CDC14B: variants seen among roughly 807,000 people sequenced by gnomAD.
CDC14B encodes cell division cycle 14B, also known as dual specificity protein phosphatase CDC14B.
CDC14B carries 22 observed loss-of-function variants against 64.2 expected under a neutral mutation model. That is an observed-to-expected ratio of 0.34 (90% confidence interval 0.24 to 0.49). CDC14B has a LOEUF of 0.49. CDC14B is among the 20% of genes least tolerant of loss of function. The pLI is 0.99. For synonymous variants in CDC14B, 191 were observed against 215.8 expected (o/e 0.89, Z 1.01); for missense variants, 498 against 629.9 (o/e 0.79, Z 2.24).
Position 96,503,547 on chromosome 9 carries a change from C to G in CDC14B, c.*206G>C. On this transcript the variant is annotated 3_prime_UTR_variant, in exon 14 of 14. Transcript: ENST00000375241. ...GCATGTTTGTCATTCAGCTTGAGAGCTGGACCCTTCTCTGAGTCATTTGCT... is the reference window on the plus strand; with the variant it reads ...GCATGTTTGTCATTCAGCTTGAGAGGTGGACCCTTCTCTGAGTCATTTGCT... The G allele has an allele frequency of 1.7e-6, 1 of 585,616 alleles. No homozygotes were observed. The highest frequency in any genetic ancestry group is 2.1e-5 in the South Asian group (1 of 47,068). The allele number at this position is 585,616 out of a possible 1,614,324, so 36.3% of individuals were successfully genotyped here. A position where few individuals can be genotyped will look rare whatever the true frequency, so the allele number is the denominator to read the frequency against.
chr9:96,555,209 G>A (rs2132121004), intron 4 of CDC14B, among the ~76,000 whole-genome samples: 1 of 152,280 alleles, frequency 6.6e-6, no homozygotes, highest in East Asian at 1.9e-4. Context: ...GGATACTGGA[G>A]TAATAGGGTG....
intron 1 of CDC14B, among the ~76,000 whole-genome samples, chr9:96,604,746 G>C (rs1023918347): frequency 6.9e-6 from 1 of 145,830 alleles, no homozygotes; most frequent in East Asian, 2.1e-4. Flanking sequence ...TTGGCTCACT[G>C]CAACTTCAGC....
intron 13 of CDC14B, among the ~76,000 whole-genome samples, chr9:96,506,582 C>T (rs1303693409): frequency 6.6e-6 from 1 of 152,246 alleles, no homozygotes. Flanking sequence ...TTGCTCTCCA[C>T]ATCATCTCTG....
chr9:96,565,070 T>A (rs2132316690), intron 2 of CDC14B, among the ~76,000 whole-genome samples: 1 of 152,330 alleles, frequency 6.6e-6, no homozygotes, highest in Middle Eastern at 3.4e-3. Context: ...ACATGTAACC[T>A]CAATGAACAT....
At position 96,503,499 on chromosome 9, in the gene CDC14B, C is replaced by A. The variant is rs533981709; in HGVS notation, c.*254G>T. The A allele has an allele frequency of 5.9e-6, 3 of 509,536 alleles. No individual in the cohort carries two copies. In the Admixed American group the frequency reaches 1.1e-4, roughly 19 times the overall value. 31.6% of individuals were successfully genotyped at this position (509,536 alleles called of 1,614,324 possible). A position where few individuals can be genotyped will look rare whatever the true frequency, so the allele number is the denominator to read the frequency against. On this transcript the variant is annotated 3_prime_UTR_variant, in exon 14 of 14. Coordinates refer to ENST00000375241, the MANE Select transcript of CDC14B (RefSeq NM_033331.4). ...GGGTACCAGAGGGCTTGGGTATTTA[C>A]ACCTGAGACTAAATTTACAACAGCA...
At chr9:96,551,110 G>GTTTTTTTTTTTTTTTTTTTTTTTTTT (rs1841741325) in intron 5 of CDC14B, among the ~76,000 whole-genome samples, 1 of 65,972 alleles carries the variant, frequency 1.5e-5, no homozygotes, top group South Asian at 9.4e-4. Flanking sequence ...TTTGGGGTTT[G>GTTTTTTTTTTTTTTTTTTTTTTTTTT]CTTTTTTTTT....
chr9:96,571,429 C>T (rs958413198), intron 1 of CDC14B, among the ~76,000 whole-genome samples: 28 of 152,130 alleles, frequency 1.8e-4, no homozygotes, highest in African/African-American at 6.8e-4. Context: ...CCGCCTCGGC[C>T]TCCCAGAGTT....
intron 5 of CDC14B, among the ~76,000 whole-genome samples, chr9:96,549,030 A>G (rs1035236726): frequency 6.6e-6 from 1 of 152,186 alleles, no homozygotes; most frequent in Non-Finnish European, 1.5e-5. Flanking sequence ...GGCTTTATTA[A>G]TTCTGATTGG....
chr9:96,614,837 C>T (rs1046015570), intron 1 of CDC14B, among the ~76,000 whole-genome samples: 15 of 151,744 alleles, frequency 9.9e-5, no homozygotes, highest in Admixed American at 2.0e-4. Context: ...CAGTTTACAC[C>T]GCCTGTTTTG....
At chr9:96,592,742 C>T (rs1012448510) in intron 1 of CDC14B, among the ~76,000 whole-genome samples, 6 of 152,040 alleles carry the variant, frequency 3.9e-5, no homozygotes, top group Admixed American at 2.0e-4. Context: ...CACTGCAGTC[C>T]AGCTTGAGCA....
intron 11 of CDC14B, 39 bp downstream of exon 11, chr9:96,523,221 TA>T (rs747956988): frequency 2.5e-6 from 4 of 1,607,934 alleles, no homozygotes; most frequent in Admixed American, 3.3e-5. Flanking sequence ...CAATAGCAGT[TA>T]AAGCAGTAAC....
intron 7 of CDC14B, among the ~76,000 whole-genome samples, chr9:96,538,273 T>C (rs1839560391): frequency 6.6e-6 from 1 of 152,134 alleles, no homozygotes; most frequent in African/African-American, 2.4e-5. Context: ...ACTCATTCAC[T>C]CTAGAATTGT....
At chr9:96,557,203 C>T (rs764519584) in intron 4 of CDC14B, among the ~76,000 whole-genome samples, 4 of 152,236 alleles carry the variant, frequency 2.6e-5, no homozygotes, top group African/African-American at 7.2e-5. Flanking sequence ...CCCACAGGGC[C>T]GGCTCCCAAG....
chr9:96,562,226 C>T (rs1843307452), intron 4 of CDC14B, among the ~76,000 whole-genome samples: 2 of 152,026 alleles, frequency 1.3e-5, no homozygotes, highest in African/African-American at 4.8e-5. Context: ...AGGAGATGAC[C>T]TTAATTAGGG....
chr9:96,552,389 T>C (rs1841947490), intron 4 of CDC14B, among the ~76,000 whole-genome samples: 1 of 152,246 alleles, frequency 6.6e-6, no homozygotes, highest in Non-Finnish European at 1.5e-5. Context: ...TTGACTTCTT[T>C]TGTCCTTAGA....
At position 96,510,667 on chromosome 9, in the gene CDC14B, G is replaced by A. The variant is rs111317238; in HGVS notation, c.1344-878C>T. On this transcript the variant is annotated intron_variant, in intron 12 of 13. Transcript: ENST00000375241. The stretch of plus-strand genomic sequence containing the variant: ...GTCGCCCAGGCTGGAGTGCAGTGGC[G>A]TGATCTCGACTCACTGCAACCTCTG... 2.4e-3 allele frequency among the ~76,000 whole-genome samples: 359 copies of A among 150,602 alleles called. 1 individual carries two copies. Among genetic ancestry groups the A allele is most frequent in the African/African-American group, 8.3e-3 (340 of 40,884 alleles).
rs1835583619 is a variant in CDC14B at position 96,515,880 on chromosome 9, G to A, written c.1344-6091C>T. ...ATCATCAATCAATCAAGCCATATGT[G>A]AATTTTAGACACCCTAAAAGCCCAG... On this transcript the variant is annotated intron_variant, in intron 12 of 13. Coordinates refer to ENST00000375241, the MANE Select transcript of CDC14B (RefSeq NM_033331.4). The surrounding 1 kb of genome is among the most constrained non-coding windows in gnomAD (Gnocchi z 4.3). 1.5e-6 allele frequency: 2 copies of A among 1,297,482 alleles called. No homozygotes were observed. Among genetic ancestry groups the A allele is most frequent in the Admixed American group, 4.9e-5 (2 of 41,104 alleles). The allele number at this position is 1,297,482 out of a possible 1,614,324, so 80.4% of individuals were successfully genotyped here.
chr9:96,525,295 G>A (rs1435258153), intron 9 of CDC14B, among the ~76,000 whole-genome samples: 3 of 152,104 alleles, frequency 2.0e-5, no homozygotes. Flanking sequence ...CACTAAAGGG[G>A]ATGGACATGG....
chr9:96,551,111 C>CTTTTTTTTTT (rs202193145), intron 5 of CDC14B, among the ~76,000 whole-genome samples: 2,720 of 93,024 alleles, frequency 0.029, 511 homozygotes, highest in African/African-American at 0.13. Context: ...TTGGGGTTTG[C>CTTTTTTTTTT]TTTTTTTTTT....
Sources: gnomAD v4.1 joint callset for allele counts (sites outside exome capture counted in the v4.1 genomes callset) on GRCh38, gnomAD v4.1.1 for gene constraint, Gnocchi (gnomAD v3.1) non-coding constraint, MANE v1.5 for transcripts, NCBI Gene and HGNC (gene_info 2026-07-23, HGNC 2026-07-21) for gene names.